The following AGPS variants were observed in gnomAD, a reference collection of about 807,000 sequenced individuals.
The protein encoded by AGPS is alkyldihydroxyacetonephosphate synthase, peroxisomal.
AGPS carries 26 observed loss-of-function variants against 90.7 expected under a neutral mutation model. The ratio of observed to expected loss-of-function variants is 0.29; its 90% CI spans 0.21 to 0.40. AGPS has a LOEUF of 0.40. AGPS is among the 10% of genes least tolerant of loss of function. The pLI is 1.00. For missense variants in AGPS, 540 were observed against 816.1 expected (o/e 0.66, Z 4.12); for synonymous variants, 294 against 285.3 (o/e 1.03, Z -0.31).
At position 177,407,809 on chromosome 2, in the gene AGPS, TA is replaced by T. The variant is rs1225662020; in HGVS notation, c.261-12452del. Among the ~76,000 whole-genome samples the T allele has an allele frequency of 6.7e-3, 600 of 89,962 alleles. 1 individual carries two copies. The highest frequency in any genetic ancestry group is 9.5e-3 in the Non-Finnish European group (377 of 39,854). 59.0% of individuals were successfully genotyped at this position (89,962 alleles called of 152,430 possible). On this transcript the variant is annotated intron_variant, in intron 1 of 19. Coordinates refer to ENST00000264167, the MANE Select transcript of AGPS (RefSeq NM_003659.4). ...CAAATTTCCTTTTTTTTTTTTTTTT[TA>T]AAAAAAAGAGGTGGGGTTTTGCTTT...
At chr2:177,491,510 C>T (rs1332344991) in intron 11 of AGPS, among the ~76,000 whole-genome samples, 3 of 148,756 alleles carry the variant, frequency 2.0e-5, no homozygotes, top group Non-Finnish European at 4.4e-5. Context: ...CTCCTGACCT[C>T]GGGCAGTCTG....
At position 177,399,465 on chromosome 2, in the gene AGPS, G is replaced by A. The variant is rs560959601; in HGVS notation, c.260+6416G>A. ...GGGCTCAGAATCAACTGAGAGATAA[G>A]ACACAGGATACAGACAGAGAGGTAA... On this transcript the variant is annotated intron_variant, in intron 1 of 19. Coordinates refer to ENST00000264167, the MANE Select transcript of AGPS (RefSeq NM_003659.4). Among the ~76,000 whole-genome samples, 4 of 152,226 alleles carry A rather than the reference G, an allele frequency of 2.6e-5. 1 individual carries two copies. The South Asian group carries it at 8.3e-4, about 32-fold the overall frequency.
At chr2:177,466,625 C>T (rs527289221) in intron 9 of AGPS, among the ~76,000 whole-genome samples, 1 of 152,348 alleles carries the variant, frequency 6.6e-6, no homozygotes, top group Admixed American at 6.5e-5. Flanking sequence ...CATTGGTGCC[C>T]AAAGTCTGGA....
intron 10 of AGPS, among the ~76,000 whole-genome samples, chr2:177,479,377 A>G (rs1687878026): frequency 6.6e-6 from 1 of 152,168 alleles, no homozygotes; most frequent in Non-Finnish European, 1.5e-5. Flanking sequence ...AGGATATTAT[A>G]TGGAATAGGA....
At chr2:177,536,475 C>G (rs927641522) in intron 19 of AGPS, among the ~76,000 whole-genome samples, 9 of 151,686 alleles carry the variant, frequency 5.9e-5, no homozygotes. Context: ...TTAAAAAGTG[C>G]TTAAAATCAT....
At chr2:177,399,436 A>T (rs1380229473) in intron 1 of AGPS, among the ~76,000 whole-genome samples, 1 of 152,200 alleles carries the variant, frequency 6.6e-6, no homozygotes, top group Non-Finnish European at 1.5e-5. Context: ...TTGTCCCAAC[A>T]TCTGGGCTCA....
chr2:177,471,526 A>G (rs996887866), intron 10 of AGPS, among the ~76,000 whole-genome samples: 3 of 152,114 alleles, frequency 2.0e-5, no homozygotes, highest in Non-Finnish European at 4.4e-5. Context: ...GTTTCTATAT[A>G]TGGTATTTAC....
At chr2:177,481,189 C>G (rs960871867) in intron 10 of AGPS, among the ~76,000 whole-genome samples, 2 of 151,990 alleles carry the variant, frequency 1.3e-5, no homozygotes, top group Non-Finnish European at 2.9e-5. Flanking sequence ...CGTCTTTACT[C>G]TTTTTTAAAA....
intron 11 of AGPS, among the ~76,000 whole-genome samples, chr2:177,488,361 C>T (rs1490544485): frequency 3.3e-5 from 5 of 151,778 alleles, no homozygotes; most frequent in Non-Finnish European, 7.4e-5. Context: ...TACAGGCGCC[C>T]GCCACCACGC....
intron 11 of AGPS, among the ~76,000 whole-genome samples, chr2:177,484,404 C>T (rs1688035238): frequency 6.6e-6 from 1 of 151,882 alleles, no homozygotes; most frequent in Non-Finnish European, 1.5e-5. Flanking sequence ...AGTGCAATGG[C>T]GCGATCTCGA....
chr2:177,486,484 G>A (rs1338678840), intron 11 of AGPS, among the ~76,000 whole-genome samples: 1 of 151,902 alleles, frequency 6.6e-6, no homozygotes. Flanking sequence ...TTGGGATTTG[G>A]AATTTCAGTT....
At chr2:177,493,314 A>G (rs1209859640) in intron 12 of AGPS, 115 bp downstream of exon 12, 7 of 914,960 alleles carry the variant, frequency 7.7e-6, no homozygotes, top group Non-Finnish European at 1.3e-5. Flanking sequence ...CCTTTCAGGA[A>G]GATGTCAGTC....
At position 177,541,181 on chromosome 2, in the gene AGPS, A is replaced by G. The variant is rs1447587035; in HGVS notation, c.*2986A>G. On this transcript the variant is annotated 3_prime_UTR_variant, in exon 20 of 20. Coordinates refer to ENST00000264167, the MANE Select transcript of AGPS (RefSeq NM_003659.4). ...GAAAACAAAATTGCAATAAAGGATG[A>G]GCTTCCATCGGTGTGTATGGTATAC... 3 of 152,150 alleles carry G rather than the reference A, an allele frequency of 2.0e-5. No homozygotes were observed. The highest frequency in any genetic ancestry group is 4.8e-5 in the African/African-American group (2 of 41,456). The allele number at this position is 152,150 out of a possible 1,614,324, so 9.4% of individuals were successfully genotyped here. A position where few individuals can be genotyped will look rare whatever the true frequency, so the allele number is the denominator to read the frequency against.
intron 2 of AGPS, among the ~76,000 whole-genome samples, chr2:177,425,201 T>C (rs972249076): frequency 2.0e-5 from 3 of 152,196 alleles, no homozygotes; most frequent in Non-Finnish European, 4.4e-5. Flanking sequence ...GGGGTTTTTA[T>C]AGTTTTGGGT....
intron 19 of AGPS, among the ~76,000 whole-genome samples, chr2:177,528,933 G>C (rs542024484): frequency 1.6e-5 from 2 of 126,988 alleles, no homozygotes; most frequent in South Asian, 5.0e-4. Flanking sequence ...TCCACTCACT[G>C]CAACCTCTGC....
rs562879815 is a variant in AGPS at position 177,463,837 on chromosome 2, T to G, written c.996+1819T>G. ...AGCACTGTGAAATCATGTAGTTTAT[T>G]TTAATCATTTTTTGGAGATATTTAA... On this transcript the variant is annotated intron_variant, in intron 9 of 19. Coordinates refer to ENST00000264167, the MANE Select transcript of AGPS (RefSeq NM_003659.4). Among the ~76,000 whole-genome samples the G allele has an allele frequency of 2.8e-4, 42 of 152,334 alleles. 3 individuals carry two copies. In the South Asian group the frequency reaches 8.3e-3, roughly 30 times the overall value.
At chr2:177,413,760 C>T (rs10754988) in intron 1 of AGPS, among the ~76,000 whole-genome samples, 131,407 of 152,232 alleles carry the variant, frequency 0.86, 56,926 homozygotes, top group East Asian at 0.95. Context: ...TTCCAGGCTT[C>T]CAGAATGGCA....
intron 2 of AGPS, among the ~76,000 whole-genome samples, chr2:177,426,831 T>C (rs537025171): frequency 1.3e-5 from 2 of 152,332 alleles, no homozygotes; most frequent in Admixed American, 1.3e-4. Flanking sequence ...AAGTTTTCTT[T>C]TTTTGTTGTT....
At chr2:177,537,952 A>G in intron 19 of AGPS, 122 bp from the exon 20 acceptor site, 1 of 1,395,908 alleles carries the variant, frequency 7.2e-7, no homozygotes, top group Middle Eastern at 1.8e-4. Flanking sequence ...AATAAAGCAA[A>G]ACATTTCTCA....
Sources: gnomAD v4.1 joint callset for allele counts (sites outside exome capture counted in the v4.1 genomes callset) on GRCh38, gnomAD v4.1.1 for gene constraint, MANE v1.5 for transcripts, NCBI Gene and HGNC (gene_info 2026-07-23, HGNC 2026-07-21) for gene names.